The following EEF1D variants were observed in gnomAD, a reference collection of about 807,000 sequenced individuals.
EEF1D encodes eukaryotic translation elongation factor 1 delta, also known as elongation factor 1-delta.
EEF1D carries 47 observed loss-of-function variants against 63.9 expected under a neutral mutation model. That is an observed-to-expected ratio of 0.74 (90% CI 0.58 to 0.94). The LOEUF (loss-of-function observed/expected upper bound fraction) is 0.94. Among genes scored for constraint, EEF1D ranks in the 40% least tolerant of loss-of-function variants. EEF1D has a pLI of 0.00. For synonymous variants in EEF1D, 412 were observed against 386.1 expected, an observed-to-expected ratio of 1.07 and a Z score of -0.79; for missense variants, 907 against 899.0, an observed-to-expected ratio of 1.01 and a Z score of -0.11.
chr8:143,587,858 T>C (rs1827008036), intron 3 of EEF1D, among the ~76,000 whole-genome samples: 1 of 152,188 alleles, frequency 6.6e-6, no homozygotes, highest in Non-Finnish European at 1.5e-5. Context: ...CCAGACCCTC[T>C]GGTTCTTTAT....
Position 143,579,774 on chromosome 8 carries a change from C to G in EEF1D, c.*18G>C, listed in dbSNP as rs752731167. The G allele has an allele frequency of 7.1e-6, 11 of 1,547,722 alleles. No homozygotes were observed. In the South Asian group the frequency reaches 8.7e-5, roughly 12 times the overall value. On this transcript the variant is annotated 3_prime_UTR_variant, in exon 10 of 10. Transcript: ENST00000618139. ...TGGCAGGGCCTCACGCACGCGCGCA[C>G]GTACACACACTCAGGCTTCAGATCT...
intron 3 of EEF1D, chr8:143,588,766 C>T (rs939491789): frequency 4.8e-6 from 3 of 626,952 alleles, no homozygotes; most frequent in East Asian, 5.9e-5. Flanking sequence ...TGCCCTCATC[C>T]AGGCAGCCTG....
chr8:143,594,729 G>C (rs967210373), intron 1 of EEF1D, among the ~76,000 whole-genome samples: 1 of 152,246 alleles, frequency 6.6e-6, no homozygotes, highest in Non-Finnish European at 1.5e-5. Context: ...CCACCTGGCT[G>C]GCCTGAGTCT....
intron 1 of EEF1D, among the ~76,000 whole-genome samples, chr8:143,595,750 C>G (rs915082488): frequency 6.6e-6 from 1 of 152,226 alleles, no homozygotes; most frequent in African/African-American, 2.4e-5. Context: ...TCTGGCCGAC[C>G]TGCCTGCCCG....
intron 5 of EEF1D, among the ~76,000 whole-genome samples, chr8:143,584,928 T>C (rs1162856645): frequency 2.0e-5 from 3 of 152,140 alleles, no homozygotes; most frequent in Admixed American, 6.6e-5. Context: ...AGCAGATAAC[T>C]TGCTTTCCAG....
chr8:143,581,015 G>C, intron 7 of EEF1D, 39 bp downstream of exon 7: 1 of 1,592,888 alleles, frequency 6.3e-7, no homozygotes, highest in South Asian at 1.1e-5. Context: ...GCAGGGCCAC[G>C]TGGTCCCCTG....
At chr8:143,586,438 G>A in intron 4 of EEF1D, 148 bp from the exon 5 acceptor site, 1 of 829,214 alleles carries the variant, frequency 1.2e-6, no homozygotes, top group Non-Finnish European at 1.8e-6. Flanking sequence ...CAGAAAAGCG[G>A]GAGATGCCTG....
chr8:143,590,613 A>G (rs945223920), intron 2 of EEF1D: 5 of 1,024,162 alleles, frequency 4.9e-6, no homozygotes, highest in Non-Finnish European at 5.8e-6. Flanking sequence ...CTTACAAAAG[A>G]AGGAGCCTCG....
intron 5 of EEF1D, chr8:143,581,948 C>T (rs1189385638): frequency 6.5e-6 from 1 of 152,882 alleles, no homozygotes. Flanking sequence ...ACTAGCCAGT[C>T]CTTAAGCATC....
In EEF1D at chr8:143,580,501, C is replaced by G. The variant is rs1222582428; in HGVS notation, c.1710+5G>C. On this transcript the variant is annotated splice_donor_5th_base_variant and intron_variant, in intron 8 of 9. Coordinates refer to ENST00000618139, the MANE Select transcript of EEF1D (RefSeq NM_001130053.5). ...GCCCCCTGAAGCCCCACCCCGCCCA[C>G]TCACAGGCTTGACATCCAGCAGGAT... The G allele has an allele frequency of 2.5e-6, 4 of 1,610,956 alleles. No individual in the cohort carries two copies. The highest frequency in any genetic ancestry group is 3.4e-6 in the Non-Finnish European group (4 of 1,178,738).
intron 5 of EEF1D, chr8:143,584,024 C>T (rs1203282141): frequency 6.6e-6 from 1 of 152,288 alleles, no homozygotes; most frequent in African/African-American, 2.4e-5. Context: ...AGGACCACAG[C>T]CTTGATTTTG....
chr8:143,591,519 A>G (rs151227988), intron 2 of EEF1D, among the ~76,000 whole-genome samples: 1 of 152,270 alleles, frequency 6.6e-6, no homozygotes, highest in East Asian at 1.9e-4. Flanking sequence ...GCCATGCCCG[A>G]CTCCAGGCTC....
intron 3 of EEF1D, among the ~76,000 whole-genome samples, chr8:143,588,647 T>A (rs1827186370): frequency 6.6e-6 from 1 of 152,136 alleles, no homozygotes; most frequent in Non-Finnish European, 1.5e-5. Flanking sequence ...ATAAGTAGCC[T>A]TATCTTCTCA....
intron 5 of EEF1D, chr8:143,583,797 A>C (rs1422045923): frequency 6.6e-6 from 1 of 152,292 alleles, no homozygotes; most frequent in African/African-American, 2.4e-5. Context: ...GATTCTGTAG[A>C]TGTGATAAGA....
chr8:143,588,880 G>A lies in EEF1D; in HGVS notation c.1091+111C>T, dbSNP rs983736859. On this transcript the variant is annotated intron_variant, in intron 3 of 9. Transcript: ENST00000618139. ...CTCTGCTGGGCCCACGGGTCTCGGG[G>A]AGCCCCCACCCCAGGTGGGCAGGGG... 1.3e-5 allele frequency: 18 copies of A among 1,398,946 alleles called. No individual in the cohort carries two copies. The South Asian group carries it at 2.3e-4, about 18-fold the overall frequency. 86.7% of individuals were successfully genotyped at this position (1,398,946 alleles called of 1,614,324 possible).
chr8:143,586,363 A>C, intron 4 of EEF1D, 73 bp from the exon 5 acceptor site: 1 of 1,344,144 alleles, frequency 7.4e-7, no homozygotes, highest in Non-Finnish European at 1.0e-6. Flanking sequence ...ACAAACCAAA[A>C]AACCCCATGA....
At position 143,581,275 on chromosome 8, in the gene EEF1D, G is replaced by A. The variant is rs141809356; in HGVS notation, c.1341C>T (p.Val447=). 2.6e-5 allele frequency: 42 copies of A among 1,612,354 alleles called. No individual in the cohort carries two copies. Among genetic ancestry groups the A allele is most frequent in the Admixed American group, 5.0e-5 (3 of 59,998 alleles). ...CCACTTCCAGACTGGCAATCCGGACGACGAGCTCACCGTGGTCTCCGCTGG... is the reference window on the plus strand; with the variant it reads ...CCACTTCCAGACTGGCAATCCGGACAACGAGCTCACCGTGGTCTCCGCTGG... ...SGTSGDHGEL[V]VRIASLEVEN... The change falls in exon 6 of 10, where the codon GTC becomes GTT. Residue 447 remains valine (V), a synonymous_variant. Transcript: ENST00000618139.
At chr8:143,590,348 T>C (rs1827737713) in intron 2 of EEF1D, 4 of 631,098 alleles carry the variant, frequency 6.3e-6, no homozygotes, top group Middle Eastern at 8.2e-4. Flanking sequence ...GGAGGCCAAG[T>C]GCCTCCCAAT....
At chr8:143,581,190 G>A (rs1825460966) in intron 6 of EEF1D, 36 bp from the exon 7 acceptor site, 2 of 1,612,668 alleles carry the variant, frequency 1.2e-6, no homozygotes, top group Non-Finnish European at 1.7e-6. Flanking sequence ...AGATGGCAGG[G>A]GCCAGGGACA....
Sources: gnomAD v4.1 joint callset for allele counts (sites outside exome capture counted in the v4.1 genomes callset) on GRCh38, gnomAD v4.1.1 for gene constraint, MANE v1.5 for transcripts, NCBI Gene and HGNC (gene_info 2026-07-23, HGNC 2026-07-21) for gene names.